The following GMDS variants were observed in gnomAD, a reference collection of about 807,000 sequenced individuals.
GMDS encodes GDP-mannose 4,6-dehydratase, also known as GDP-mannose 4,6 dehydratase.
Under a neutral mutation model 49.9 loss-of-function variants are expected in GMDS, and 20 were observed. That is an observed-to-expected ratio of 0.40 (90% CI 0.28 to 0.58). GMDS has a LOEUF of 0.58. Among genes scored for constraint, GMDS ranks in the 20% least tolerant of loss-of-function variants. The probability of loss-of-function intolerance (pLI) is 0.42; values close to 1 mark genes in which losing one functional copy is unlikely to be tolerated. For synonymous variants in GMDS, 177 were observed against 178.6 expected, an observed-to-expected ratio of 0.99 and a Z score of 0.07; for missense variants, 362 against 481.4, an observed-to-expected ratio of 0.75 and a Z score of 2.32.
At chr6:1,939,184 A>C (rs1203909724) in intron 6 of GMDS, among the ~76,000 whole-genome samples, 2 of 151,696 alleles carry the variant, frequency 1.3e-5, no homozygotes, top group African/African-American at 4.8e-5. Flanking sequence ...CAGTATCTGA[A>C]GTTTTGGGGG....
intron 7 of GMDS, among the ~76,000 whole-genome samples, chr6:1,886,377 A>T (rs1008944671): frequency 6.6e-6 from 1 of 152,236 alleles, no homozygotes; most frequent in African/African-American, 2.4e-5. Flanking sequence ...CATATCATAG[A>T]TGGAAATAAA....
intron 9 of GMDS, among the ~76,000 whole-genome samples, chr6:1,675,372 T>C (rs1764584346): frequency 6.6e-6 from 1 of 152,036 alleles, no homozygotes; most frequent in South Asian, 2.1e-4. Flanking sequence ...GACCATTATG[T>C]CACTTGTGAA....
intron 6 of GMDS, among the ~76,000 whole-genome samples, chr6:1,958,979 C>G (rs1763790954): frequency 6.6e-6 from 1 of 152,152 alleles, no homozygotes; most frequent in South Asian, 2.1e-4. Context: ...AGAGAACTAG[C>G]ACGTTGCTAC....
rs974189794 is a variant in GMDS at position 1,640,030 on chromosome 6, A to G, written c.988-15490T>C. On this transcript the variant is annotated intron_variant, in intron 9 of 10. Transcript: ENST00000380815. The surrounding 1 kb of genome is among the most constrained non-coding windows in gnomAD (Gnocchi z 4.0). ...ACCAATGCTAAAGATCAGAGATAAA[A>G]TCAGTGCCTGATGTTGGGTAAGTGC... Among the ~76,000 whole-genome samples, 1 of 152,192 alleles carries G rather than the reference A, an allele frequency of 6.6e-6. No homozygotes were observed. Among genetic ancestry groups the G allele is most frequent in the Non-Finnish European group, 1.5e-5 (1 of 68,024 alleles).
At chr6:1,664,312 T>C (rs1333649172) in intron 9 of GMDS, among the ~76,000 whole-genome samples, 1 of 152,196 alleles carries the variant, frequency 6.6e-6, no homozygotes, top group African/African-American at 2.4e-5. Flanking sequence ...TTCTGGATCA[T>C]CCAAGCATCT....
chr6:1,755,837 G>T (rs1378893336), intron 7 of GMDS, among the ~76,000 whole-genome samples: 2 of 152,134 alleles, frequency 1.3e-5, no homozygotes, highest in Non-Finnish European at 2.9e-5. Context: ...TACCATTCAG[G>T]ACATAGGCAT....
At chr6:1,834,284 G>GA (rs1274781721) in intron 7 of GMDS, among the ~76,000 whole-genome samples, 3 of 152,064 alleles carry the variant, frequency 2.0e-5, no homozygotes, top group Non-Finnish European at 4.4e-5. Context: ...AGTGGTGGGG[G>GA]AAAAATGCTG....
intron 1 of GMDS, among the ~76,000 whole-genome samples, chr6:2,243,839 CCTT>C (rs1239091679): frequency 6.1e-4 from 81 of 132,592 alleles, no homozygotes; most frequent in African/African-American, 2.3e-3. Flanking sequence ...TTCAACTTCT[CCTT>C]CTTTTTTTTT....
chr6:1,846,798 C>T (rs948615844), intron 7 of GMDS, among the ~76,000 whole-genome samples: 1 of 152,188 alleles, frequency 6.6e-6, no homozygotes, highest in African/African-American at 2.4e-5. Context: ...AGCATTTGAG[C>T]AGGTATTTTA....
At chr6:2,178,717 CTAAAA>C (rs1360784225) in intron 1 of GMDS, among the ~76,000 whole-genome samples, 1 of 152,144 alleles carries the variant, frequency 6.6e-6, no homozygotes, top group Non-Finnish European at 1.5e-5. Flanking sequence ...CTCCATGAAT[CTAAAA>C]TAAAAGTTTA....
At chr6:1,646,832 T>C (rs546719861) in intron 9 of GMDS, among the ~76,000 whole-genome samples, 20 of 152,276 alleles carry the variant, frequency 1.3e-4, no homozygotes, top group African/African-American at 4.6e-4. Flanking sequence ...GAAAACTCCC[T>C]GAAGAGGAAT....
At chr6:1,883,080 T>A (rs1006567647) in intron 7 of GMDS, among the ~76,000 whole-genome samples, 1 of 152,190 alleles carries the variant, frequency 6.6e-6, no homozygotes, top group African/African-American at 2.4e-5. Context: ...AAAACAAATA[T>A]ATAAGTAGGA....
At chr6:2,112,853 C>G (rs1774626971) in intron 4 of GMDS, among the ~76,000 whole-genome samples, 1 of 152,218 alleles carries the variant, frequency 6.6e-6, no homozygotes, top group African/African-American at 2.4e-5. Context: ...CAATCCCACC[C>G]TCTGCCTCCT....
intron 6 of GMDS, among the ~76,000 whole-genome samples, chr6:1,940,027 A>G (rs553948368): frequency 6.6e-6 from 1 of 152,342 alleles, no homozygotes; most frequent in Admixed American, 6.5e-5. Context: ...GACGTAAGGA[A>G]GAAACCCTAC....
chr6:2,124,868 C>G, intron 1 of GMDS, 137 bp from the exon 2 acceptor site: 1 of 657,636 alleles, frequency 1.5e-6, no homozygotes, highest in Non-Finnish European at 2.8e-6. Context: ...AAAATAACAC[C>G]AATAATGTCA....
chr6:2,112,449 C>T (rs1445076608), intron 4 of GMDS, among the ~76,000 whole-genome samples: 3 of 152,062 alleles, frequency 2.0e-5, no homozygotes, highest in Admixed American at 2.0e-4. Flanking sequence ...TCTCAAAGTG[C>T]GGTTCCCAGA....
At chr6:2,092,402 A>G (rs1217003376) in intron 4 of GMDS, among the ~76,000 whole-genome samples, 1 of 152,180 alleles carries the variant, frequency 6.6e-6, no homozygotes, top group East Asian at 1.9e-4. Flanking sequence ...CCATCCTTAG[A>G]ATTAATCATC....
chr6:1,966,281 CAA>C lies in GMDS; in HGVS notation c.346-5317_346-5316del, dbSNP rs1764252335. Reference sequence around the variant, plus strand: ...TGATTATGAAGTATGCATCCAATCACAAAGAGAGTTGCATTTTCAGAGGCATG... The same window carrying C: ...TGATTATGAAGTATGCATCCAATCACAGAGAGTTGCATTTTCAGAGGCATG... On this transcript the variant is annotated intron_variant, in intron 4 of 10. Coordinates refer to ENST00000380815, the MANE Select transcript of GMDS (RefSeq NM_001500.4). Among the ~76,000 whole-genome samples the C allele has an allele frequency of 4.0e-5, 6 of 149,216 alleles. No homozygotes were observed. The South Asian group carries it at 1.3e-3, about 32-fold the overall frequency.
chr6:1,695,140 G>T (rs948638713), intron 9 of GMDS, among the ~76,000 whole-genome samples: 2 of 152,280 alleles, frequency 1.3e-5, no homozygotes, highest in Admixed American at 1.3e-4. Context: ...ATTGACAAAT[G>T]CAGCCCATGA....
Sources: allele counts gnomAD v4.1 joint callset (sites outside exome capture counted in the v4.1 genomes callset), GRCh38; gene constraint gnomAD v4.1.1; non-coding constraint Gnocchi (gnomAD v3.1); transcripts MANE v1.5; gene names NCBI Gene and HGNC (gene_info 2026-07-23, HGNC 2026-07-21).